The following NUMB variants were observed in gnomAD, a reference collection of about 807,000 sequenced individuals.
NUMB encodes the protein NUMB endocytic adaptor protein.
NUMB carries 29 observed loss-of-function variants against 59.7 expected under a neutral mutation model. The observed-to-expected ratio is 0.49, with a 90% CI of 0.36 to 0.66. NUMB has a LOEUF of 0.66. NUMB is among the 30% of genes least tolerant of loss of function. The probability of loss-of-function intolerance (pLI) is 0.00; values close to 1 mark genes in which losing one functional copy is unlikely to be tolerated. For synonymous variants in NUMB, 288 were observed against 288.2 expected, an observed-to-expected ratio of 1.00 and a Z score of 0.01; for missense variants, 723 against 822.0, an observed-to-expected ratio of 0.88 and a Z score of 1.47.
chr14:73,417,701 A>G (rs1469082833), intron 1 of NUMB, among the ~76,000 whole-genome samples: 2 of 152,242 alleles, frequency 1.3e-5, no homozygotes, highest in Non-Finnish European at 2.9e-5. Flanking sequence ...AAAATAACTG[A>G]AAGTAGAGAC....
At position 73,447,785 on chromosome 14, in the gene NUMB, AT is replaced by A. The variant is rs578171322; in HGVS notation, c.-233+10707del. Among the ~76,000 whole-genome samples, 1,384 of 141,430 alleles carry A rather than the reference AT, an allele frequency of 9.8e-3. 6 individuals carry two copies. Among genetic ancestry groups the A allele is most frequent in the South Asian group, 0.031 (141 of 4,502 alleles). 92.8% of individuals were successfully genotyped at this position (141,430 alleles called of 152,430 possible). ...ACATTTGCAGTTCATTTTCTTGCCG[AT>A]TTTTTTTTTTTTTTGAGATGGAGGC... On this transcript the variant is annotated intron_variant, in intron 1 of 12. Transcript: ENST00000555238.
chr14:73,432,252 G>T (rs1296718154), intron 1 of NUMB, among the ~76,000 whole-genome samples: 1 of 151,820 alleles, frequency 6.6e-6, no homozygotes, highest in African/African-American at 2.4e-5. Context: ...GTTTGGGGAG[G>T]ATGAGGCTTC....
intron 2 of NUMB, among the ~76,000 whole-genome samples, chr14:73,383,464 G>C (rs183356343): frequency 1.3e-5 from 2 of 152,158 alleles, no homozygotes; most frequent in Non-Finnish European, 2.9e-5. Context: ...ATACAGAAAA[G>C]AGCATGAGAG....
chr14:73,343,251 A>C (rs1892733284), intron 4 of NUMB, among the ~76,000 whole-genome samples: 1 of 152,200 alleles, frequency 6.6e-6, no homozygotes, highest in African/African-American at 2.4e-5. Context: ...TCACTACTAC[A>C]ACACTGAGAT....
At chr14:73,297,457 T>G (rs1037322087) in intron 6 of NUMB, 172 bp from the exon 7 acceptor site, 1 of 491,990 alleles carries the variant, frequency 2.0e-6, no homozygotes, top group African/African-American at 2.0e-5. Context: ...TGCAGAAACA[T>G]TCAGGAAAAA....
intron 2 of NUMB, among the ~76,000 whole-genome samples, chr14:73,371,096 CA>C (rs1204584480): frequency 6.6e-6 from 1 of 152,064 alleles, no homozygotes; most frequent in African/African-American, 2.4e-5. Context: ...CCATCTCATA[CA>C]TTTTTTTCTG....
chr14:73,396,526 A>ATTT (rs201206935), intron 2 of NUMB, among the ~76,000 whole-genome samples: 1,013 of 57,750 alleles, frequency 0.018, 5 homozygotes, highest in South Asian at 0.062. Context: ...TTTTTTGTGT[A>ATTT]TTTTTTTTGT....
chr14:73,352,477 C>CATAT (rs1170959840), intron 4 of NUMB, among the ~76,000 whole-genome samples: 9 of 12,686 alleles, frequency 7.1e-4, no homozygotes, highest in Non-Finnish European at 1.2e-3. Context: ...CACACACACA[C>CATAT]ATATATATAT....
At chr14:73,452,387 T>A (rs193169996) in intron 1 of NUMB, among the ~76,000 whole-genome samples, 1 of 150,894 alleles carries the variant, frequency 6.6e-6, no homozygotes, top group Non-Finnish European at 1.5e-5. Context: ...AAAACAAAAC[T>A]GGGCAGCCTG....
At chr14:73,334,886 T>C (rs1231633502) in intron 4 of NUMB, among the ~76,000 whole-genome samples, 1 of 148,972 alleles carries the variant, frequency 6.7e-6, no homozygotes, top group Non-Finnish European at 1.5e-5. Flanking sequence ...GAGGCGGAGG[T>C]TGCAGTAAGC....
chr14:73,342,469 G>A (rs1304290166), intron 4 of NUMB, among the ~76,000 whole-genome samples: 1 of 152,148 alleles, frequency 6.6e-6, no homozygotes, highest in African/African-American at 2.4e-5. Flanking sequence ...AAAATTATAA[G>A]CACTGGAAAA....
chr14:73,320,043 A>G (rs1380573616), intron 5 of NUMB, among the ~76,000 whole-genome samples: 2 of 152,068 alleles, frequency 1.3e-5, no homozygotes, highest in Non-Finnish European at 2.9e-5. Context: ...GAGGCAGGAG[A>G]ATTGCTTGAA....
rs1413522881 is a variant in NUMB, at chr14:73,408,894, AAAG to A, written c.-101+1040_-101+1042del. ...CTCCTTCTCAAAAAAAAAAAAAAAG[AAAG>A]AAAGAAAGAAAGAAAATTCCAAATC... On this transcript the variant is annotated intron_variant, in intron 2 of 12. Transcript: ENST00000555238. Among the ~76,000 whole-genome samples, 62 of 145,392 alleles carry A rather than the reference AAAG, an allele frequency of 4.3e-4. No individual in the cohort carries two copies. The South Asian group carries it at 6.1e-3, about 14-fold the overall frequency.
chr14:73,286,568 C>A (rs1594862521), intron 9 of NUMB: 1 of 145,044 alleles, frequency 6.9e-6, no homozygotes, highest in Non-Finnish European at 1.5e-5. Context: ...TAAAATCACA[C>A]ACTAAATTAA....
rs528313698 is a variant in NUMB, at chr14:73,449,761, C to G, written c.-233+8732G>C. 2.6e-5 allele frequency among the ~76,000 whole-genome samples: 4 copies of G among 152,288 alleles called. No individual in the cohort carries two copies. The East Asian group carries it at 7.7e-4, about 29-fold the overall frequency. The stretch of plus-strand genomic sequence containing the variant: ...CAGGCTGGAGTGCAGTGGCTCGGCT[C>G]ACTGCAACCTCTGCCTCCCAAGTTC... On this transcript the variant is annotated intron_variant, in intron 1 of 12. Transcript: ENST00000555238.
intron 2 of NUMB, among the ~76,000 whole-genome samples, chr14:73,408,654 G>T (rs942807945): frequency 1.3e-5 from 2 of 152,052 alleles, no homozygotes; most frequent in Non-Finnish European, 2.9e-5. Context: ...AAGGAGGGTG[G>T]ATCACCTGAG....
At chr14:73,428,568 G>A (rs1287983145) in intron 1 of NUMB, among the ~76,000 whole-genome samples, 4 of 152,118 alleles carry the variant, frequency 2.6e-5, no homozygotes, top group African/African-American at 9.7e-5. Context: ...CAGACGTCAG[G>A]GGATCTCTTG....
chr14:73,440,236 C>CAT (rs56803982), intron 1 of NUMB, among the ~76,000 whole-genome samples: 3 of 94,158 alleles, frequency 3.2e-5, no homozygotes, highest in African/African-American at 4.6e-5. Context: ...TATGGATATC[C>CAT]ATATATATAT....
chr14:73,442,915 T>C (rs1033356550), intron 1 of NUMB, among the ~76,000 whole-genome samples: 2 of 152,114 alleles, frequency 1.3e-5, no homozygotes, highest in African/African-American at 4.8e-5. Flanking sequence ...CCATCTGGAG[T>C]GTAGTGGTGC....
Sources: gnomAD v4.1 joint callset for allele counts (sites outside exome capture counted in the v4.1 genomes callset) on GRCh38, gnomAD v4.1.1 for gene constraint, MANE v1.5 for transcripts, NCBI Gene and HGNC (gene_info 2026-07-23, HGNC 2026-07-21) for gene names.